ABTB3: variants seen among roughly 807,000 people sequenced by gnomAD.
ABTB3 encodes the protein ankyrin repeat and BTB domain containing 3.
At chr12:107,438,590 G>A in the ABTB3 span, among the ~76,000 whole-genome samples, 1 of 152,272 alleles carries the variant, frequency 6.6e-6, no homozygotes, top group East Asian at 1.9e-4. Flanking sequence ...AAGTATCTGT[G>A]CTTTCTGGAA....
chr12:107,508,936 C>T, the ABTB3 span, among the ~76,000 whole-genome samples: 1 of 152,138 alleles, frequency 6.6e-6, no homozygotes, highest in African/African-American at 2.4e-5. Context: ...TCTCCAAAAC[C>T]TGACTAACCT....
the ABTB3 span, among the ~76,000 whole-genome samples, chr12:107,409,237 G>C: frequency 6.6e-6 from 1 of 152,214 alleles, no homozygotes; most frequent in Admixed American, 6.5e-5. Flanking sequence ...GTGGCCAACA[G>C]CCCCAGTCAG....
At chr12:107,353,314 G>C in the ABTB3 span, among the ~76,000 whole-genome samples, 4 of 152,162 alleles carry the variant, frequency 2.6e-5, no homozygotes, top group Admixed American at 2.6e-4. Flanking sequence ...ACTCACTAGT[G>C]GGGTGGTAAT....
chr12:107,637,394 A>G, the ABTB3 span, among the ~76,000 whole-genome samples: 1 of 151,940 alleles, frequency 6.6e-6, no homozygotes, highest in Non-Finnish European at 1.5e-5. Context: ...TCCATCTCAA[A>G]AAATTTAAAA....
chr12:107,393,169 G>A, the ABTB3 span, among the ~76,000 whole-genome samples: 1 of 152,102 alleles, frequency 6.6e-6, no homozygotes, highest in East Asian at 1.9e-4. Context: ...GATCAGTCAG[G>A]GACGAGAACT....
At chr12:107,335,593 G>T in the ABTB3 span, among the ~76,000 whole-genome samples, 3 of 152,154 alleles carry the variant, frequency 2.0e-5, no homozygotes, top group Admixed American at 6.6e-5. Context: ...TTTTGAATAA[G>T]ATGTAGAGTT....
chr12:107,659,039 T>G, the ABTB3 span: 15,809 of 152,464 alleles, frequency 0.1, 997 homozygotes, highest in African/African-American at 0.16. Flanking sequence ...CGGCCTTTCT[T>G]CTCGTTCTTT....
the ABTB3 span, among the ~76,000 whole-genome samples, chr12:107,639,221 A>T: frequency 6.6e-6 from 1 of 152,246 alleles, no homozygotes; most frequent in Non-Finnish European, 1.5e-5. Context: ...TTGCTCAAGC[A>T]CACACACAGT....
chr12:107,414,466 G>A, the ABTB3 span, among the ~76,000 whole-genome samples: 2 of 151,974 alleles, frequency 1.3e-5, no homozygotes, highest in South Asian at 4.2e-4. Context: ...ACCCGAGCAT[G>A]CACCCTCATG....
At chr12:107,617,604 G>A in the ABTB3 span, 1 of 783,418 alleles carries the variant, frequency 1.3e-6, no homozygotes, top group Non-Finnish European at 2.0e-6. Flanking sequence ...CCAGCTGACA[G>A]CCAACTCCAT....
At chr12:107,541,585 C>T in the ABTB3 span, among the ~76,000 whole-genome samples, 3 of 152,358 alleles carry the variant, frequency 2.0e-5, no homozygotes, top group Non-Finnish European at 1.5e-5. Flanking sequence ...AGTCTGGAGA[C>T]GGAATGCTTT....
chr12:107,333,459 C>T, the ABTB3 span, among the ~76,000 whole-genome samples: 2 of 152,000 alleles, frequency 1.3e-5, no homozygotes, highest in African/African-American at 2.4e-5. Context: ...GGGTTTAGTG[C>T]CAGAAGAGGA....
At chr12:107,553,551 T>G in the ABTB3 span, among the ~76,000 whole-genome samples, 5 of 152,234 alleles carry the variant, frequency 3.3e-5, no homozygotes, top group Non-Finnish European at 7.4e-5. Flanking sequence ...TGAGACCTTG[T>G]CCAGAAGAGG....
chr12:107,470,044 TTC>T, the ABTB3 span, among the ~76,000 whole-genome samples: 1 of 142,172 alleles, frequency 7.0e-6, no homozygotes, highest in Non-Finnish European at 1.5e-5. Flanking sequence ...CTTTCTTTCT[TTC>T]TCTCTTTCTT....
At chr12:107,364,207 C>T in the ABTB3 span, among the ~76,000 whole-genome samples, 1 of 152,118 alleles carries the variant, frequency 6.6e-6, no homozygotes, top group Non-Finnish European at 1.5e-5. Context: ...CCCTTCATAT[C>T]AACATGCTTC....
At chr12:107,629,446 T>G in the ABTB3 span, among the ~76,000 whole-genome samples, 2 of 152,080 alleles carry the variant, frequency 1.3e-5, no homozygotes, top group Non-Finnish European at 2.9e-5. Flanking sequence ...TTTGCTTCAC[T>G]CCCCTTTAGT....
the ABTB3 span, among the ~76,000 whole-genome samples, chr12:107,503,311 G>A: frequency 6.6e-6 from 1 of 152,142 alleles, no homozygotes; most frequent in Non-Finnish European, 1.5e-5. Context: ...TGGCTGGGGT[G>A]TGGGCTTTGG....
the ABTB3 span, among the ~76,000 whole-genome samples, chr12:107,452,922 T>C: frequency 6.6e-6 from 1 of 152,274 alleles, no homozygotes; most frequent in African/African-American, 2.4e-5. Context: ...TAACAAGTGA[T>C]GGGCAAAATC....
the ABTB3 span, among the ~76,000 whole-genome samples, chr12:107,452,409 T>C: frequency 6.6e-6 from 1 of 151,990 alleles, no homozygotes; most frequent in Admixed American, 6.6e-5. Context: ...GGTTTCACTG[T>C]GTTAGCCAGG....
Sources: gnomAD v4.1 joint callset for allele counts (sites outside exome capture counted in the v4.1 genomes callset) on GRCh38, gnomAD v4.1.1 for gene constraint, MANE v1.5 for transcripts, NCBI Gene and HGNC (gene_info 2026-07-23, HGNC 2026-07-21) for gene names.